Variants in MAN1C1 observed in about 807,000 individuals in gnomAD.
MAN1C1 encodes the protein mannosyl-oligosaccharide 1,2-alpha-mannosidase IC.
MAN1C1 carries 49 observed loss-of-function variants against 71.5 expected under a neutral mutation model. The ratio of observed to expected loss-of-function variants is 0.69; its 90% CI spans 0.54 to 0.87. The LOEUF is 0.87. Among genes scored for constraint, MAN1C1 ranks in the 40% least tolerant of loss-of-function variants. The pLI is 0.00. For synonymous variants in MAN1C1, 352 were observed against 343.7 expected, an observed-to-expected ratio of 1.02 and a Z score of -0.27; for missense variants, 743 against 835.0, an observed-to-expected ratio of 0.89 and a Z score of 1.36.
Position 25,689,839 on chromosome 1 carries a change from A to C in MAN1C1, c.637+3303A>C, listed in dbSNP as rs868761736. Among the ~76,000 whole-genome samples, 5 of 152,320 alleles carry C rather than the reference A, an allele frequency of 3.3e-5. No homozygotes were observed. In the South Asian group the frequency reaches 1.0e-3, roughly 32 times the overall value. ...TAGGGTATACGAGGAGACCCTGAGC[A>C]GCGCCCCGCCTCCTGGTGCTCGGCT... On this transcript the variant is annotated intron_variant, in intron 2 of 11. Transcript: ENST00000374332.
At chr1:25,752,908 G>C (rs1415755877) in intron 4 of MAN1C1, among the ~76,000 whole-genome samples, 1 of 152,248 alleles carries the variant, frequency 6.6e-6, no homozygotes, top group Non-Finnish European at 1.5e-5. Flanking sequence ...GAGGGAAACT[G>C]TCGCCCAGGA....
chr1:25,726,806 A>G (rs1020137001), intron 2 of MAN1C1, among the ~76,000 whole-genome samples: 6 of 151,810 alleles, frequency 4.0e-5, no homozygotes, highest in African/African-American at 1.5e-4. Context: ...CTGTAATCCC[A>G]TCACTGCGGG....
intron 1 of MAN1C1, among the ~76,000 whole-genome samples, chr1:25,637,587 C>G (rs2045480401): frequency 6.6e-6 from 1 of 151,022 alleles, no homozygotes; most frequent in African/African-American, 2.4e-5. Context: ...TGATAGTGTT[C>G]AAAACTATGT....
At position 25,730,623 on chromosome 1, in the gene MAN1C1, C is replaced by A. The variant is rs1432045117; in HGVS notation, c.638-16045C>A. Among the ~76,000 whole-genome samples the A allele has an allele frequency of 6.6e-6, 1 of 152,142 alleles. No homozygotes were observed. Among genetic ancestry groups the A allele is most frequent in the African/African-American group, 2.4e-5 (1 of 41,430 alleles). Reference sequence around the variant, plus strand: ...GAGAGCTGTCTCCTGGGCCGTGGCACGTTTGCTGCATTTGTGAATTGTTTG... The same window carrying A: ...GAGAGCTGTCTCCTGGGCCGTGGCAAGTTTGCTGCATTTGTGAATTGTTTG... On this transcript the variant is annotated intron_variant, in intron 2 of 11. Coordinates refer to ENST00000374332, the MANE Select transcript of MAN1C1 (RefSeq NM_020379.4). This position sits in a 1 kb window ranked among gnomAD's most constrained non-coding sequence, Gnocchi z 4.3.
At position 25,767,358 on chromosome 1, in the gene MAN1C1, A is replaced by G. The variant is rs1419702845; in HGVS notation, c.1141+3391A>G. ...CCCACACACAGACCCACACACCACT[A>G]CCCTCACATACGTCCACACTCCACA... On this transcript the variant is annotated intron_variant, in intron 7 of 11. Transcript: ENST00000374332. 2.0e-4 allele frequency among the ~76,000 whole-genome samples: 15 copies of G among 73,502 alleles called. No homozygotes were observed. In the East Asian group the frequency reaches 6.6e-3, roughly 32 times the overall value. The allele number at this position is 73,502 out of a possible 152,430, so 48.2% of individuals were successfully genotyped here.
At chr1:25,733,441 T>C (rs1180129910) in intron 2 of MAN1C1, among the ~76,000 whole-genome samples, 1 of 152,122 alleles carries the variant, frequency 6.6e-6, no homozygotes, top group East Asian at 1.9e-4. Context: ...GGATTTTCAA[T>C]GTGCTGTGCA....
At position 25,753,541 on chromosome 1, in the gene MAN1C1, C is replaced by T; in HGVS notation, c.892C>T (p.Pro298Ser). 6.2e-7 allele frequency: 1 copy of T among 1,613,790 alleles called. No individual in the cohort carries two copies. Among genetic ancestry groups the T allele is most frequent in the Non-Finnish European group, 8.5e-7 (1 of 1,179,876 alleles). ...GAAGCTCCTGCCGGCGTTCAACACC[C>T]CCACGGGAATCCCAAAGGGCGTGGT... is the stretch of plus-strand genomic sequence containing the variant. ...GEKLLPAFNT[P>S]TGIPKGVVSF... The change falls in exon 5 of 12, where the codon CCC becomes TCC. Residue 298 changes from proline (P) to serine (S), a missense_variant. Physicochemically the swap from Pro to Ser is moderately conservative, Grantham distance 74 (BLOSUM62 -1). Transcript: ENST00000374332. The surrounding 1 kb of genome is among the most constrained non-coding windows in gnomAD (Gnocchi z 4.9).
chr1:25,632,992 C>T (rs558050041), intron 1 of MAN1C1, among the ~76,000 whole-genome samples: 6 of 151,758 alleles, frequency 4.0e-5, no homozygotes, highest in South Asian at 2.1e-4. Context: ...CTCAGCCTCC[C>T]GAGTACCTGG....
At chr1:25,755,491 A>T (rs141692407) in intron 5 of MAN1C1, among the ~76,000 whole-genome samples, 1 of 152,194 alleles carries the variant, frequency 6.6e-6, no homozygotes, top group East Asian at 1.9e-4. Context: ...TTACACATGC[A>T]TGCTCCCGCC....
intron 1 of MAN1C1, among the ~76,000 whole-genome samples, chr1:25,680,949 C>A (rs115642911): frequency 4.0e-4 from 61 of 152,148 alleles, no homozygotes; most frequent in African/African-American, 1.4e-3. Flanking sequence ...CAGATGAGCA[C>A]GGTGGCTCAT....
chr1:25,697,459 C>T (rs1172205230), intron 2 of MAN1C1, among the ~76,000 whole-genome samples: 4 of 152,170 alleles, frequency 2.6e-5, no homozygotes, highest in African/African-American at 9.7e-5. Context: ...AGCTGATAGA[C>T]GTTTGGATTG....
intron 7 of MAN1C1, among the ~76,000 whole-genome samples, chr1:25,765,653 C>T (rs919514058): frequency 6.6e-6 from 1 of 152,212 alleles, no homozygotes; most frequent in African/African-American, 2.4e-5. Flanking sequence ...TCAAAGGCTG[C>T]AGGAAACAGA....
intron 1 of MAN1C1, among the ~76,000 whole-genome samples, chr1:25,636,377 C>T (rs1197789359): frequency 6.6e-6 from 1 of 152,130 alleles, no homozygotes; most frequent in Non-Finnish European, 1.5e-5. Context: ...CCCAGAGCGG[C>T]CGTTTATAGA....
At chr1:25,728,883 C>A (rs2046870135) in intron 2 of MAN1C1, among the ~76,000 whole-genome samples, 1 of 152,178 alleles carries the variant, frequency 6.6e-6, no homozygotes, top group Admixed American at 6.5e-5. Flanking sequence ...AGGCTGGGGA[C>A]CCCTAGTGAG....
At chr1:25,644,519 T>TATATATATATATA (rs1553182595) in intron 1 of MAN1C1, 4 of 58,440 alleles carry the variant, frequency 6.8e-5, no homozygotes, top group African/African-American at 6.3e-4. Flanking sequence ...TATATATATA[T>TATATATATATATA]TTTTTTTTTT....
At chr1:25,771,409 GC>G (rs2047549194) in intron 7 of MAN1C1, among the ~76,000 whole-genome samples, 1 of 152,136 alleles carries the variant, frequency 6.6e-6, no homozygotes, top group South Asian at 2.1e-4. Context: ...GTGATTTATA[GC>G]ACCCGCCGGA....
intron 1 of MAN1C1, among the ~76,000 whole-genome samples, chr1:25,630,947 T>TTTTGTTTGTTTG (rs75709016): frequency 2.0e-5 from 3 of 151,366 alleles, no homozygotes; most frequent in African/African-American, 7.3e-5. Flanking sequence ...AGTACTATGT[T>TTTTGTTTGTTTG]TTTGTTTGTT....
At chr1:25,752,870 A>C (rs1236913201) in intron 4 of MAN1C1, among the ~76,000 whole-genome samples, 1 of 152,248 alleles carries the variant, frequency 6.6e-6, no homozygotes, top group Non-Finnish European at 1.5e-5. Context: ...AAAGCGGGAC[A>C]GGCCTGTCCA....
intron 2 of MAN1C1, among the ~76,000 whole-genome samples, chr1:25,742,403 T>C (rs994093100): frequency 1.3e-5 from 2 of 152,206 alleles, no homozygotes; most frequent in Non-Finnish European, 2.9e-5. Context: ...CGGCAGCAGA[T>C]ACAGATGGGA....
Sources: gnomAD v4.1 joint callset for allele counts (sites outside exome capture counted in the v4.1 genomes callset) on GRCh38, gnomAD v4.1.1 for gene constraint, Gnocchi (gnomAD v3.1) non-coding constraint, MANE v1.5 for transcripts, NCBI Gene and HGNC (gene_info 2026-07-23, HGNC 2026-07-21) for gene names.